The following TBC1D9 variants were observed in gnomAD, a reference collection of about 807,000 sequenced individuals.
TBC1D9 encodes TBC1 domain family member 9.
TBC1D9 carries 63 observed loss-of-function variants against 132.0 expected under a neutral mutation model. The ratio of observed to expected loss-of-function variants is 0.48; its 90% confidence interval spans 0.39 to 0.59. TBC1D9 has a LOEUF of 0.59. TBC1D9 is among the 20% of genes least tolerant of loss of function. The probability of loss-of-function intolerance (pLI) is 0.00; values close to 1 mark genes in which losing one functional copy is unlikely to be tolerated. For synonymous variants in TBC1D9, 610 were observed against 609.9 expected, an observed-to-expected ratio of 1.00 and a Z score of 0.00; for missense variants, 1,261 against 1,592.7, an observed-to-expected ratio of 0.79 and a Z score of 3.54.
chr4:140,632,217 A>T (rs150284214), intron 16 of TBC1D9, among the ~76,000 whole-genome samples: 1 of 150,696 alleles, frequency 6.6e-6, no homozygotes, highest in East Asian at 2.0e-4. Context: ...CACTTTCTAC[A>T]TGTAGAACCC....
intron 13 of TBC1D9, among the ~76,000 whole-genome samples, chr4:140,652,444 T>G (rs1304886655): frequency 6.6e-6 from 1 of 152,174 alleles, no homozygotes; most frequent in Non-Finnish European, 1.5e-5. Flanking sequence ...CAGTGGCTGT[T>G]AGATGCCTTC....
intron 16 of TBC1D9, among the ~76,000 whole-genome samples, chr4:140,632,898 A>G (rs1430137618): frequency 6.6e-6 from 1 of 152,246 alleles, no homozygotes; most frequent in African/African-American, 2.4e-5. Context: ...GTTTAGATTA[A>G]TATAGTAAAA....
At chr4:140,637,851 T>C (rs1472514716) in intron 15 of TBC1D9, among the ~76,000 whole-genome samples, 1 of 152,226 alleles carries the variant, frequency 6.6e-6, no homozygotes, top group Non-Finnish European at 1.5e-5. Context: ...TGCCTCCATC[T>C]TTCTGGGCTT....
chr4:140,643,986 G>A (rs747988081), intron 13 of TBC1D9: 40 of 556,534 alleles, frequency 7.2e-5, no homozygotes, highest in Non-Finnish European at 1.2e-4. Flanking sequence ...CTCTTCCTCC[G>A]GGTCCTCCCG....
intron 6 of TBC1D9, among the ~76,000 whole-genome samples, chr4:140,671,879 T>A (rs1049769715): frequency 6.6e-6 from 1 of 152,220 alleles, no homozygotes; most frequent in Non-Finnish European, 1.5e-5. Context: ...AAAAATGGTT[T>A]ATTTGCAGCA....
chr4:140,687,365 T>TATATATATAC, intron 2 of TBC1D9, among the ~76,000 whole-genome samples: 2 of 74,434 alleles, frequency 2.7e-5, no homozygotes, highest in Non-Finnish European at 5.7e-5. Flanking sequence ...TATATATATA[T>TATATATATAC]ATATATATAT....
At chr4:140,645,162 C>G in intron 13 of TBC1D9, 1 of 558,480 alleles carries the variant, frequency 1.8e-6, no homozygotes, top group Non-Finnish European at 3.5e-6. Context: ...CAGCTCATTA[C>G]TCTCTCTGAG....
chr4:140,664,303 G>A (rs1399212255), intron 9 of TBC1D9, among the ~76,000 whole-genome samples: 3 of 152,142 alleles, frequency 2.0e-5, no homozygotes, highest in Non-Finnish European at 2.9e-5. Flanking sequence ...TGTAAGAGTT[G>A]CACACTGCAA....
At chr4:140,731,533 AT>A (rs1738589763) in intron 1 of TBC1D9, among the ~76,000 whole-genome samples, 1 of 152,198 alleles carries the variant, frequency 6.6e-6, no homozygotes, top group Non-Finnish European at 1.5e-5. Context: ...CTCTATAAAA[AT>A]AAAATAAAGG....
At chr4:140,647,567 AAAGT>A (rs1375905841) in intron 13 of TBC1D9, among the ~76,000 whole-genome samples, 1 of 152,228 alleles carries the variant, frequency 6.6e-6, no homozygotes, top group African/African-American at 2.4e-5. Context: ...TGTTGGAGAT[AAAGT>A]TCCAATAATA....
intron 1 of TBC1D9, among the ~76,000 whole-genome samples, chr4:140,702,164 T>A (rs1257509729): frequency 6.6e-6 from 1 of 152,208 alleles, no homozygotes. Context: ...TATGAAATGA[T>A]GCAGGAATAA....
intron 13 of TBC1D9, among the ~76,000 whole-genome samples, chr4:140,641,132 A>G (rs922177367): frequency 6.7e-6 from 1 of 149,240 alleles, no homozygotes; most frequent in African/African-American, 2.5e-5. Flanking sequence ...AAAAGAGCAT[A>G]TTCCGTGAGA....
chr4:140,713,072 T>C (rs2111050477), intron 1 of TBC1D9, among the ~76,000 whole-genome samples: 1 of 152,298 alleles, frequency 6.6e-6, no homozygotes, highest in African/African-American at 2.4e-5. Context: ...CTTCTTTTAA[T>C]CTATAACTAA....
chr4:140,632,933 T>C (rs1456300654), intron 16 of TBC1D9, among the ~76,000 whole-genome samples: 1 of 152,268 alleles, frequency 6.6e-6, no homozygotes, highest in African/African-American at 2.4e-5. Context: ...CAACAGTATC[T>C]GCACTCTAAA....
Position 140,622,093 on chromosome 4 carries a change from T to C in TBC1D9, c.*102A>G, listed in dbSNP as rs550475236. 17 of 1,438,872 alleles carry C rather than the reference T, an allele frequency of 1.2e-5. No homozygotes were observed. The East Asian group carries it at 3.6e-4, about 31-fold the overall frequency. The allele number at this position is 1,438,872 out of a possible 1,614,324, so 89.1% of individuals were successfully genotyped here. ...CACTAGGCTTCAAGCCAGGTACTAATAAATATTTAATTTAAAAGAAAGAAA... is the reference window on the plus strand; with the variant it reads ...CACTAGGCTTCAAGCCAGGTACTAACAAATATTTAATTTAAAAGAAAGAAA... On this transcript the variant is annotated 3_prime_UTR_variant, in exon 21 of 21. Transcript: ENST00000442267.
At chr4:140,695,365 A>T (rs1737937339) in intron 2 of TBC1D9, among the ~76,000 whole-genome samples, 1 of 152,206 alleles carries the variant, frequency 6.6e-6, no homozygotes, top group East Asian at 1.9e-4. Flanking sequence ...CTAGGACCAG[A>T]TGACATTCTG....
intron 5 of TBC1D9, among the ~76,000 whole-genome samples, chr4:140,678,400 A>C (rs1233993972): frequency 6.6e-6 from 1 of 152,140 alleles, no homozygotes; most frequent in Non-Finnish European, 1.5e-5. Flanking sequence ...TGGGGCATCA[A>C]CTTTCCATCA....
intron 5 of TBC1D9, among the ~76,000 whole-genome samples, chr4:140,678,490 C>T (rs1396969728): frequency 6.6e-6 from 1 of 152,202 alleles, no homozygotes; most frequent in Non-Finnish European, 1.5e-5. Flanking sequence ...CTGCCACCTA[C>T]TAGCCATGTG....
rs367940542 is a variant in TBC1D9 at position 140,679,010 on chromosome 4, T to C, written c.783A>G (p.Gly261=). ...TGGGCAGGGATCGATCTTGTTCAAA[T>C]CCCTCATTGTCTAAGAGTTGCCTCA... ...IAMRQLLDNE[G]FEQDRSLPKL... Residue 261 remains glycine, a synonymous_variant, in exon 5 of 21, where the codon GGA becomes GGG. Coordinates refer to ENST00000442267, the MANE Select transcript of TBC1D9 (RefSeq NM_015130.3). The C allele has an allele frequency of 2.4e-5, 39 of 1,613,822 alleles. No individual in the cohort carries two copies. Among genetic ancestry groups the C allele is most frequent in the Non-Finnish European group, 3.2e-5 (38 of 1,179,872 alleles).
Sources: allele counts gnomAD v4.1 joint callset (sites outside exome capture counted in the v4.1 genomes callset), GRCh38; gene constraint gnomAD v4.1.1; transcripts MANE v1.5; gene names NCBI Gene and HGNC (gene_info 2026-07-23, HGNC 2026-07-21).